Variants in ALMS1 observed in about 807,000 individuals in gnomAD.
The protein encoded by ALMS1 is ALMS1 centrosome and basal body associated protein, also known as centrosome-associated protein ALMS1.
Under a neutral mutation model 352.2 loss-of-function variants are expected in ALMS1, and 271 were observed. The observed-to-expected ratio is 0.77, with a 90% CI of 0.70 to 0.85. The LOEUF is 0.85. Ranked by LOEUF, ALMS1 falls within the 40% of genes least tolerant of loss-of-function variation. The pLI is 0.00. For missense variants in ALMS1, 5,445 were observed against 4,870.7 expected (o/e 1.12, Z -3.51); for synonymous variants, 1,865 against 1,761.2 (o/e 1.06, Z -1.48).
At chr2:73,511,068 A>G (rs1673442591) in intron 10 of ALMS1, among the ~76,000 whole-genome samples, 1 of 152,188 alleles carries the variant, frequency 6.6e-6, no homozygotes, top group African/African-American at 2.4e-5. Context: ...GGTCGACTTC[A>G]GGCTGCTCTG....
chr2:73,523,925 C>A (rs72811938), intron 11 of ALMS1, among the ~76,000 whole-genome samples: 2 of 151,962 alleles, frequency 1.3e-5, no homozygotes, highest in Non-Finnish European at 2.9e-5. Context: ...AAGAGAAAAC[C>A]GTGGTCTATA....
At chr2:73,435,593 T>G (rs1384960182) in intron 7 of ALMS1, among the ~76,000 whole-genome samples, 1 of 151,832 alleles carries the variant, frequency 6.6e-6, no homozygotes, top group Non-Finnish European at 1.5e-5. Flanking sequence ...CGTATATAAA[T>G]GCCTTTAAGT....
At chr2:73,589,255 A>G (rs1012000799) in intron 16 of ALMS1, among the ~76,000 whole-genome samples, 2 of 152,156 alleles carry the variant, frequency 1.3e-5, no homozygotes, top group African/African-American at 4.8e-5. Context: ...TGAATTCCCA[A>G]ATTTCTCATT....
intron 1 of ALMS1, among the ~76,000 whole-genome samples, 165 bp downstream of exon 1, chr2:73,386,357 C>T (rs1265438849): frequency 6.6e-6 from 1 of 152,180 alleles, no homozygotes; most frequent in Admixed American, 6.5e-5. Context: ...CCGGCTGCTC[C>T]GCGTCTCCCA....
chr2:73,414,929 C>T (rs375675894), intron 2 of ALMS1, among the ~76,000 whole-genome samples: 9 of 152,262 alleles, frequency 5.9e-5, no homozygotes, highest in East Asian at 3.9e-4. Flanking sequence ...AATCCCATTA[C>T]TCTCCAATTC....
intron 4 of ALMS1, among the ~76,000 whole-genome samples, chr2:73,423,473 AC>A (rs1671321372): frequency 6.6e-6 from 1 of 152,118 alleles, no homozygotes; most frequent in Admixed American, 6.6e-5. Context: ...ATGAACAGAT[AC>A]TCCAAATTCA....
intron 12 of ALMS1, among the ~76,000 whole-genome samples, chr2:73,543,743 G>T (rs1177123189): frequency 6.6e-6 from 1 of 152,200 alleles, no homozygotes; most frequent in African/African-American, 2.4e-5. Context: ...AGACATTTAT[G>T]CAGCCAACAG....
chr2:73,573,349 C>G lies in ALMS1; in HGVS notation c.11472C>G (p.Ser3824Arg), dbSNP rs1674986323. Residue 3824 changes from serine (S) to arginine (R), a missense_variant, in exon 16 of 23, where the codon AGC (serine) becomes AGG (arginine). Transcript: ENST00000613296. ...NQQRRYLEKR[S>R]KHSKKVLNTG... The stretch of plus-strand genomic sequence containing the variant: ...AGAGGAGATACCTTGAGAAGCGGAG[C>G]AAACACAGCAAGAAAGTGCTGAATA... The G allele has an allele frequency of 6.2e-7, 1 of 1,613,966 alleles. No individual in the cohort carries two copies. The highest frequency in any genetic ancestry group is 2.2e-5 in the East Asian group (1 of 44,890).
intron 2 of ALMS1, among the ~76,000 whole-genome samples, chr2:73,412,253 A>G (rs1172160674): frequency 6.6e-6 from 1 of 152,190 alleles, no homozygotes; most frequent in Non-Finnish European, 1.5e-5. Flanking sequence ...GTAGTCAGTC[A>G]CTTCCCCAAC....
intron 10 of ALMS1, among the ~76,000 whole-genome samples, chr2:73,497,229 TG>T (rs1673128758): frequency 6.6e-6 from 1 of 152,170 alleles, no homozygotes; most frequent in South Asian, 2.1e-4. Flanking sequence ...TATTTTTCTC[TG>T]ATTATTTTAA....
At chr2:73,511,144 G>A (rs1414163765) in intron 10 of ALMS1, among the ~76,000 whole-genome samples, 1 of 152,186 alleles carries the variant, frequency 6.6e-6, no homozygotes, top group African/African-American at 2.4e-5. Context: ...GGGATCCACT[G>A]AGCTAGACCA....
rs2103797392 is a variant in ALMS1 at position 73,455,185 on chromosome 2, G to A, written c.7564G>A (p.Ala2522Thr). The change falls in exon 9 of 23, where the codon GCA becomes ACA. Residue 2522 changes from alanine to threonine, a missense_variant. By Grantham distance (58) the Ala-to-Thr change is moderately conservative (BLOSUM62 0). Coordinates refer to ENST00000613296, the MANE Select transcript of ALMS1 (RefSeq NM_001378454.1). ...AHAWNMKFNL[A>T]HDCGYSISEL... ...AGCCTGGAATATGAAGTTCAATTTA[G>A]CACATGATTGTGGATACTCCATTTC... 1 of 1,613,222 alleles carries A rather than the reference G, an allele frequency of 6.2e-7. No homozygotes were observed. The highest frequency in any genetic ancestry group is 8.5e-7 in the Non-Finnish European group (1 of 1,179,722).
chr2:73,536,891 C>T (rs1419664798), intron 12 of ALMS1, among the ~76,000 whole-genome samples: 5 of 152,182 alleles, frequency 3.3e-5, no homozygotes, highest in Non-Finnish European at 7.4e-5. Context: ...GCACAGTAAG[C>T]GTTAGCATTT....
intron 7 of ALMS1, 150 bp from the exon 8 acceptor site, chr2:73,447,810 T>G (rs1365485403): frequency 9.2e-7 from 1 of 1,087,238 alleles, no homozygotes; most frequent in East Asian, 2.7e-5. Flanking sequence ...ATTAATATCT[T>G]TGTGTGCAAA....
chr2:73,489,132 G>C (rs1672919841), intron 9 of ALMS1, among the ~76,000 whole-genome samples: 1 of 152,188 alleles, frequency 6.6e-6, no homozygotes, highest in Non-Finnish European at 1.5e-5. Flanking sequence ...GAAAAATAGT[G>C]ATGATAGTGG....
rs578234966 is a variant in ALMS1, at chr2:73,520,860, C to G, written c.9781+844C>G. Among the ~76,000 whole-genome samples the G allele has an allele frequency of 1.4e-3, 208 of 152,176 alleles. 4 individuals carry two copies. In the South Asian group the frequency reaches 0.02, roughly 15 times the overall value. On this transcript the variant is annotated intron_variant, in intron 11 of 22. Transcript: ENST00000613296. The stretch of plus-strand genomic sequence containing the variant: ...TTATTTTCTTTTTTTGAGTAAGTAG[C>G]AGGAAAATTAACAATTAAGTTTCCA...
chr2:73,501,105 C>G (rs2103919516), intron 10 of ALMS1, among the ~76,000 whole-genome samples: 1 of 152,234 alleles, frequency 6.6e-6, no homozygotes, highest in East Asian at 1.9e-4. Context: ...TGCTGAGCAT[C>G]TTTTCTGTGT....
intron 15 of ALMS1, among the ~76,000 whole-genome samples, chr2:73,563,506 A>T (rs113599503): frequency 0.13 from 19,282 of 151,866 alleles, 1,304 homozygotes; most frequent in East Asian, 0.22. Flanking sequence ...GCGGATTAAG[A>T]GGTCAGGAGA....
Position 73,448,312 on chromosome 2 carries a change from T to A in ALMS1, c.1785T>A (p.Thr595=). ...AGGGCTTGCCAGACAGTCATCTAAC[T>A]GAAGAGGCTTTGAAAGTTTCAGCTG... The part of the protein sequence containing the change: ...YQQGLPDSHL[T]EEALKVSAAP... Residue 595 remains threonine, a synonymous_variant, in exon 8 of 23, where the codon ACT becomes ACA. Transcript: ENST00000613296. 6.2e-7 allele frequency: 1 copy of A among 1,614,040 alleles called. No individual in the cohort carries two copies. The highest frequency in any genetic ancestry group is 8.5e-7 in the Non-Finnish European group (1 of 1,179,946).
Sources: gnomAD v4.1 joint callset for allele counts (sites outside exome capture counted in the v4.1 genomes callset) on GRCh38, gnomAD v4.1.1 for gene constraint, MANE v1.5 for transcripts, NCBI Gene and HGNC (gene_info 2026-07-23, HGNC 2026-07-21) for gene names.